MYH16: variants seen among roughly 807,000 people sequenced by gnomAD.
MYH16 encodes the protein myosin heavy chain 16.
At chr7:99,249,686 G>C (rs558042273) in intron 4 of MYH16, among the ~76,000 whole-genome samples, 14 of 148,064 alleles carry the variant, frequency 9.5e-5, no homozygotes, top group Non-Finnish European at 1.9e-4. Context: ...CTCCTGAGTA[G>C]CTGGGATTAC....
chr7:99,302,315 T>TACAC lies in MYH16; in HGVS notation n.5137+512_5137+513insCACA, dbSNP rs1369453226. ...TGACCATCTCAAAAAAAAAAAAATATATACACACACACACACACACACACA... is the reference window on the plus strand; with the variant it reads ...TGACCATCTCAAAAAAAAAAAAATATACACATACACACACACACACACACACACA... On this transcript the variant is annotated intron_variant and non_coding_transcript_variant, in intron 38 of 41. Coordinates refer to ENST00000439784, the Ensembl canonical transcript of MYH16. Among the ~76,000 whole-genome samples the TACAC allele has an allele frequency of 2.2e-3, 171 of 77,972 alleles. 2 individuals carry two copies. Among genetic ancestry groups the TACAC allele is most frequent in the African/African-American group, 7.7e-3 (89 of 11,592 alleles). 51.2% of individuals were successfully genotyped at this position (77,972 alleles called of 152,430 possible).
chr7:99,291,985 A>G (rs1792387836), intron 31 of MYH16, among the ~76,000 whole-genome samples: 1 of 152,198 alleles, frequency 6.6e-6, no homozygotes, highest in Non-Finnish European at 1.5e-5. Context: ...GTATACCTAT[A>G]GTCCCAGCTA....
At chr7:99,294,227 C>T (rs1484687359) in intron 33 of MYH16, 77 bp downstream of exon 14, 1 of 403,776 alleles carries the variant, frequency 2.5e-6, no homozygotes, top group Non-Finnish European at 4.9e-6. Context: ...AAGGCTGTCA[C>T]ATGTCTGGGG....
intron 32 of MYH16, 141 bp downstream of exon 13, chr7:99,292,649 T>G (rs541425543): frequency 9.4e-5 from 35 of 371,486 alleles, no homozygotes; most frequent in African/African-American, 6.9e-4. Context: ...AGGAGGACAA[T>G]GTGTCTGGAC....
At chr7:99,307,321 C>T (rs1792696291), downstream of MYH16, among the ~76,000 whole-genome samples, 1 of 152,204 alleles carries the variant, frequency 6.6e-6, no homozygotes, top group East Asian at 1.9e-4. Context: ...GCTACCATTT[C>T]TTGAACACTG....
intron 20 of MYH16, among the ~76,000 whole-genome samples, chr7:99,276,559 G>A (rs965954562): frequency 6.6e-6 from 1 of 152,254 alleles, no homozygotes; most frequent in Non-Finnish European, 1.5e-5. Flanking sequence ...AGTGCACAGA[G>A]AGGTCCCGAT....
chr7:99,282,559 A>C (rs756664838), intron 23 of MYH16, among the ~76,000 whole-genome samples: 22 of 151,722 alleles, frequency 1.5e-4, no homozygotes, highest in Non-Finnish European at 2.9e-4. Flanking sequence ...TGCAGCTTTG[A>C]CTTCCCAGGC....
intron 38 of MYH16, 27 bp from the exon 20 acceptor site, chr7:99,303,038 T>C (rs1021487460): frequency 2.6e-5 from 4 of 152,624 alleles, no homozygotes; most frequent in Admixed American, 1.3e-4. Flanking sequence ...CCCTGGCTCA[T>C]AGTGATATCT....
intron 38 of MYH16, among the ~76,000 whole-genome samples, chr7:99,302,441 A>G (rs1487712156): frequency 6.6e-6 from 1 of 151,082 alleles, no homozygotes; most frequent in African/African-American, 2.4e-5. Flanking sequence ...GATGCATACC[A>G]TAATCCCAGC....
intron 23 of MYH16, among the ~76,000 whole-genome samples, chr7:99,282,057 C>G (rs1657347078): frequency 1.3e-5 from 2 of 152,350 alleles, no homozygotes; most frequent in African/African-American, 4.8e-5. Flanking sequence ...GAGTCTCACT[C>G]TGTCGCCCAG....
At position 99,284,067 on chromosome 7, in the gene MYH16, T is replaced by C. The variant is rs142406028; in HGVS notation, n.3225+49T>C. ...TGTCCATCACAATGGTAGCAATAGCTGGAGCTGCCTGGAGGGTGCCAGGAG... is the reference window on the plus strand; with the variant it reads ...TGTCCATCACAATGGTAGCAATAGCCGGAGCTGCCTGGAGGGTGCCAGGAG... On this transcript the variant is annotated intron_variant and non_coding_transcript_variant, in intron 25 of 41. Coordinates refer to ENST00000439784, the Ensembl canonical transcript of MYH16. The C allele has an allele frequency of 8.1e-5, 33 of 405,564 alleles. No homozygotes were observed. In the Admixed American group the frequency reaches 8.5e-4, roughly 10 times the overall value. The allele number at this position is 405,564 out of a possible 1,614,324, so 25.1% of individuals were successfully genotyped here. A position where few individuals can be genotyped will look rare whatever the true frequency, so the allele number is the denominator to read the frequency against.
At chr7:99,267,885 G>C (rs1000140288) in intron 18 of MYH16, among the ~76,000 whole-genome samples, 2 of 152,194 alleles carry the variant, frequency 1.3e-5, no homozygotes, top group African/African-American at 4.8e-5. Context: ...TTTGCAGTCA[G>C]GAGAGTCAGC....
intron 1 of MYH16, among the ~76,000 whole-genome samples, chr7:99,239,579 A>G (rs577558229): frequency 6.6e-6 from 1 of 152,290 alleles, no homozygotes; most frequent in East Asian, 1.9e-4. Context: ...ACGTGTTGCA[A>G]GGACCCAACC....
intron 34 of MYH16, among the ~76,000 whole-genome samples, chr7:99,297,156 G>GCCAGGCA (rs1792512123): frequency 6.6e-6 from 1 of 152,164 alleles, no homozygotes; most frequent in Non-Finnish European, 1.5e-5. Context: ...AAATAGCCGG[G>GCCAGGCA]TGTGATAGCT....
At chr7:99,249,568 T>G (rs969153921) in intron 4 of MYH16, among the ~76,000 whole-genome samples, 54 of 129,352 alleles carry the variant, frequency 4.2e-4, no homozygotes, top group Middle Eastern at 4.2e-3. Context: ...AAAAGAAAAG[T>G]GCTGTTTTTT....
At chr7:99,278,372 G>T (rs1357696876) in intron 21 of MYH16, among the ~76,000 whole-genome samples, 2 of 152,066 alleles carry the variant, frequency 1.3e-5, no homozygotes, top group Non-Finnish European at 2.9e-5. Context: ...GTCAGGGCTG[G>T]GCTCTGCCAT....
At chr7:99,251,447 C>T (rs551079021) in intron 6 of MYH16, among the ~76,000 whole-genome samples, 1 of 152,328 alleles carries the variant, frequency 6.6e-6, no homozygotes, top group African/African-American at 2.4e-5. Flanking sequence ...CAATTGGCCT[C>T]AACACCAAGA....
Position 99,246,717 on chromosome 7 carries a change from T to TA in MYH16, n.355-869dup, listed in dbSNP as rs1396799529. 3.6e-5 allele frequency among the ~76,000 whole-genome samples: 5 copies of TA among 139,902 alleles called. No individual in the cohort carries two copies. In the South Asian group the frequency reaches 6.8e-4, roughly 19 times the overall value. 91.8% of individuals were successfully genotyped at this position (139,902 alleles called of 152,430 possible). Reference sequence around the variant, plus strand: ...ACTCCATCCACAAAATATATATAAATAAAAAAAACCATGGAAGGGAGTAAA... The same window carrying TA: ...ACTCCATCCACAAAATATATATAAATAAAAAAAAACCATGGAAGGGAGTAAA... On this transcript the variant is annotated intron_variant and non_coding_transcript_variant, in intron 2 of 41. Coordinates refer to ENST00000439784, the Ensembl canonical transcript of MYH16.
chr7:99,249,570 C>CTT (rs1791783785), intron 4 of MYH16, among the ~76,000 whole-genome samples: 1 of 133,776 alleles, frequency 7.5e-6, no homozygotes, highest in East Asian at 2.4e-4. Context: ...AAGAAAAGTG[C>CTT]TGTTTTTTTT....
Sources: gnomAD v4.1 joint callset for allele counts (sites outside exome capture counted in the v4.1 genomes callset) on GRCh38, gnomAD v4.1.1 for gene constraint, MANE v1.5 for transcripts, NCBI Gene and HGNC (gene_info 2026-07-23, HGNC 2026-07-21) for gene names.